TMEM45A: variants seen among roughly 807,000 people sequenced by gnomAD.
TMEM45A encodes the protein DNA polymerase-transactivated protein 4.
Under a neutral mutation model 32.0 loss-of-function variants are expected in TMEM45A, and 25 were observed. The observed-to-expected ratio is 0.78, with a 90% CI of 0.57 to 1.09. The LOEUF is 1.09. Ranked by LOEUF, TMEM45A falls within the 50% of genes least tolerant of loss-of-function variation. TMEM45A has a pLI of 0.00. For missense variants in TMEM45A, 302 were observed against 325.0 expected, an observed-to-expected ratio of 0.93 and a Z score of 0.54; for synonymous variants, 122 against 114.8, an observed-to-expected ratio of 1.06 and a Z score of -0.40.
At position 100,506,766 on chromosome 3, in the gene TMEM45A, T is replaced by C. The variant is rs115735290; in HGVS notation, c.-4+13838T>C. Among the ~76,000 whole-genome samples, 667 of 152,308 alleles carry C rather than the reference T, an allele frequency of 4.4e-3. 7 individuals carry two copies. Among genetic ancestry groups the C allele is most frequent in the African/African-American group, 0.015 (639 of 41,572 alleles). Reference sequence around the variant, plus strand: ...AGCTAAGAGTCGTAGGTAATGGTGATGGTTGGGTGAGATGGGACAAGTTTT... The same window carrying C: ...AGCTAAGAGTCGTAGGTAATGGTGACGGTTGGGTGAGATGGGACAAGTTTT... On this transcript the variant is annotated intron_variant, in intron 1 of 5. Coordinates refer to ENST00000323523, the MANE Select transcript of TMEM45A (RefSeq NM_018004.3).
intron 1 of TMEM45A, chr3:100,519,649 G>A (rs1705397822): frequency 5.8e-6 from 9 of 1,542,688 alleles, no homozygotes; most frequent in South Asian, 3.6e-5. Context: ...GTGTGATAAT[G>A]TGAAAAGAGC....
chr3:100,546,635 C>T (rs1261132006), intron 1 of TMEM45A, among the ~76,000 whole-genome samples: 1 of 152,200 alleles, frequency 6.6e-6, no homozygotes, highest in East Asian at 1.9e-4. Flanking sequence ...ACTTTGACTA[C>T]AGTGGTGGTA....
intron 5 of TMEM45A, chr3:100,573,296 C>T (rs1290254097): frequency 6.6e-6 from 1 of 151,632 alleles, no homozygotes; most frequent in Admixed American, 6.6e-5. Flanking sequence ...GTTTGTAGTT[C>T]TCCTTGAAGA....
intron 1 of TMEM45A, chr3:100,519,479 C>T: frequency 7.3e-7 from 1 of 1,362,284 alleles, no homozygotes; most frequent in Non-Finnish European, 1.0e-6. Context: ...TCAGCATTAC[C>T]TAAGAAGCAA....
intron 5 of TMEM45A, chr3:100,574,459 G>T (rs1289190115): frequency 1.3e-5 from 2 of 152,154 alleles, no homozygotes; most frequent in Non-Finnish European, 2.9e-5. Context: ...GGAAGAAGTT[G>T]AATCTCTGAA....
At chr3:100,559,602 T>TAATTATATAAAA (rs1442046500) in intron 4 of TMEM45A, among the ~76,000 whole-genome samples, 3 of 152,068 alleles carry the variant, frequency 2.0e-5, no homozygotes, top group Non-Finnish European at 2.9e-5. Context: ...TTGGTGAATT[T>TAATTATATAAAA]AATTATATAA....
chr3:100,549,177 G>T (rs1269907754), intron 1 of TMEM45A, among the ~76,000 whole-genome samples: 6 of 151,832 alleles, frequency 4.0e-5, no homozygotes, highest in Non-Finnish European at 8.8e-5. Context: ...AACCCGGGAG[G>T]TGGAGGTTGC....
intron 5 of TMEM45A, among the ~76,000 whole-genome samples, chr3:100,575,308 A>G (rs544903854): frequency 1.3e-5 from 2 of 151,208 alleles, no homozygotes; most frequent in South Asian, 4.2e-4. Flanking sequence ...AATCAGTGTC[A>G]CATCTTCTAG....
intron 1 of TMEM45A, among the ~76,000 whole-genome samples, chr3:100,541,830 T>A (rs767135595): frequency 3.3e-5 from 5 of 152,132 alleles, no homozygotes; most frequent in Admixed American, 2.0e-4. Flanking sequence ...AAGCTAGGGG[T>A]CAAGGTTCAT....
chr3:100,570,865 A>G (rs182637760), intron 5 of TMEM45A: 1 of 152,126 alleles, frequency 6.6e-6, no homozygotes, highest in Non-Finnish European at 1.5e-5. Context: ...CTTTGTGACC[A>G]TGCAGTTCCC....
rs151175319 is a variant in TMEM45A, at chr3:100,576,169, G to C, written c.735-756G>C. Among the ~76,000 whole-genome samples, 468 of 152,158 alleles carry C rather than the reference G, an allele frequency of 3.1e-3. 2 individuals are homozygous for C. The Middle Eastern group carries it at 0.034, about 11-fold the overall frequency. On this transcript the variant is annotated intron_variant, in intron 5 of 5. Coordinates refer to ENST00000323523, the MANE Select transcript of TMEM45A (RefSeq NM_018004.3). The stretch of plus-strand genomic sequence containing the variant: ...GTCTACTAAAAATATAAAAAAAATT[G>C]GCTGGGCACAGTGGCTCACGCCTGT...
intron 1 of TMEM45A, among the ~76,000 whole-genome samples, chr3:100,496,469 C>T (rs919450608): frequency 1.3e-5 from 2 of 152,106 alleles, no homozygotes; most frequent in African/African-American, 2.4e-5. Context: ...CTTTGTAGCC[C>T]GAGCCTTACC....
chr3:100,511,290 C>T (rs1289188405), intron 1 of TMEM45A, among the ~76,000 whole-genome samples: 19 of 152,170 alleles, frequency 1.2e-4, no homozygotes, highest in South Asian at 4.2e-4. Context: ...AGAAACTCTA[C>T]GAGCCAGAAG....
rs148559194 is a variant in TMEM45A, at chr3:100,529,802, C to T, written c.-3-25407C>T. ...TGCCTAACTTTTGTATTTTTTTGTA[C>T]ATATGGGGTTTCATTATGTTGCCCA... On this transcript the variant is annotated intron_variant, in intron 1 of 5. Coordinates refer to ENST00000323523, the MANE Select transcript of TMEM45A (RefSeq NM_018004.3). Among the ~76,000 whole-genome samples, 13 of 151,988 alleles carry T rather than the reference C, an allele frequency of 8.6e-5. 1 individual carries two copies. In the East Asian group the frequency reaches 2.5e-3, roughly 30 times the overall value.
chr3:100,533,244 G>T (rs1430298725), intron 1 of TMEM45A, among the ~76,000 whole-genome samples: 1 of 146,258 alleles, frequency 6.8e-6, no homozygotes, highest in Non-Finnish European at 1.5e-5. Flanking sequence ...TCTTACAAAA[G>T]AAAAAAAAAA....
At chr3:100,510,377 T>A (rs1312291966) in intron 1 of TMEM45A, among the ~76,000 whole-genome samples, 20 of 152,038 alleles carry the variant, frequency 1.3e-4, no homozygotes, top group South Asian at 1.0e-3. Context: ...CTCACATGGC[T>A]GGGTACTCCA....
At chr3:100,525,703 G>C (rs576114834) in intron 1 of TMEM45A, among the ~76,000 whole-genome samples, 4 of 152,140 alleles carry the variant, frequency 2.6e-5, no homozygotes, top group Non-Finnish European at 5.9e-5. Flanking sequence ...ACAGCCTTCC[G>C]GGGAGTATTT....
intron 1 of TMEM45A, among the ~76,000 whole-genome samples, chr3:100,495,890 C>T (rs542206963): frequency 7.9e-5 from 12 of 152,338 alleles, no homozygotes; most frequent in Admixed American, 5.9e-4. Flanking sequence ...TCCGCATACA[C>T]GCCCATAGTG....
chr3:100,524,966 G>A (rs754096725), intron 1 of TMEM45A, among the ~76,000 whole-genome samples: 47 of 152,122 alleles, frequency 3.1e-4, no homozygotes, highest in Non-Finnish European at 5.9e-4. Flanking sequence ...GAAGCAGGAG[G>A]ATCGCTGTGG....
Sources: gnomAD v4.1 joint callset for allele counts (sites outside exome capture counted in the v4.1 genomes callset) on GRCh38, gnomAD v4.1.1 for gene constraint, MANE v1.5 for transcripts, NCBI Gene and HGNC (gene_info 2026-07-23, HGNC 2026-07-21) for gene names.